Variants in CSMD1 observed in about 807,000 individuals in gnomAD.
The protein encoded by CSMD1 is CUB and sushi domain-containing protein 1.
Under a neutral mutation model 417.5 loss-of-function variants are expected in CSMD1, and 213 were observed. That is an observed-to-expected ratio of 0.51 (90% CI 0.46 to 0.57). CSMD1 has a LOEUF of 0.57. Ranked by LOEUF, CSMD1 falls within the 20% of genes least tolerant of loss-of-function variation. The pLI is 0.00. For synonymous variants in CSMD1, 2,862 were observed against 1,736.8 expected (o/e 1.65, Z -16.11); for missense variants, 6,923 against 4,529.7 (o/e 1.53, Z -15.17).
At chr8:3,909,771 C>G (rs535583159) in intron 5 of CSMD1, among the ~76,000 whole-genome samples, 2 of 152,146 alleles carry the variant, frequency 1.3e-5, no homozygotes, top group South Asian at 4.2e-4. Flanking sequence ...AATACGAACT[C>G]GACAAATTTG....
At chr8:4,983,438 G>A (rs1811004925) in intron 1 of CSMD1, among the ~76,000 whole-genome samples, 1 of 152,206 alleles carries the variant, frequency 6.6e-6, no homozygotes, top group Admixed American at 6.5e-5. Flanking sequence ...ATACTTGCAA[G>A]AGTGCCCTTC....
chr8:3,242,801 TTGGGGCGCAGAAATAAGGG>T (rs1404868808), intron 26 of CSMD1, among the ~76,000 whole-genome samples: 50 of 32,968 alleles, frequency 1.5e-3, no homozygotes, highest in Admixed American at 3.1e-3. Flanking sequence ...GGGAAAGGGG[TTGGGGCGCAGAAATAAGGG>T]GTTGGGGCGC....
intron 2 of CSMD1, among the ~76,000 whole-genome samples, chr8:4,477,325 G>A (rs1362082944): frequency 6.6e-6 from 1 of 152,144 alleles, no homozygotes; most frequent in Non-Finnish European, 1.5e-5. Context: ...AGGCGTTGGT[G>A]CTGGAAGGAG....
chr8:3,678,761 G>GA (rs1465233103), intron 7 of CSMD1, among the ~76,000 whole-genome samples: 2 of 152,046 alleles, frequency 1.3e-5, no homozygotes, highest in South Asian at 2.1e-4. Context: ...TGAAATGAAG[G>GA]AAAAAATGTT....
intron 7 of CSMD1, among the ~76,000 whole-genome samples, chr8:3,660,187 G>C (rs993394031): frequency 1.3e-5 from 2 of 152,166 alleles, no homozygotes; most frequent in East Asian, 1.9e-4. Flanking sequence ...GTGGTTTAGA[G>C]TGTGGGTTTG....
chr8:3,335,533 C>A (rs542144879), intron 23 of CSMD1, among the ~76,000 whole-genome samples: 1 of 151,970 alleles, frequency 6.6e-6, no homozygotes, highest in Non-Finnish European at 1.5e-5. Flanking sequence ...CAAAATTAGC[C>A]GGGTGTGGTG....
chr8:3,583,854 T>C lies in CSMD1; in HGVS notation c.1222+2282A>G, dbSNP rs537579950. 7.0e-4 allele frequency among the ~76,000 whole-genome samples: 106 copies of C among 151,780 alleles called. No individual in the cohort carries two copies. In the South Asian group the frequency reaches 0.019, roughly 28 times the overall value. On this transcript the variant is annotated intron_variant, in intron 9 of 69. Transcript: ENST00000635120. ...CCAGAAAGGATACTTTTCAAGAAAT[T>C]GAGGGTTTCTTATCCATCTTATCAA...
intron 2 of CSMD1, among the ~76,000 whole-genome samples, chr8:4,491,099 C>G (rs916433180): frequency 6.6e-6 from 1 of 152,072 alleles, no homozygotes; most frequent in Non-Finnish European, 1.5e-5. Flanking sequence ...TTAATGGGTA[C>G]TAGGCTTAAT....
chr8:4,272,303 TTGCCAA>T (rs1804654187), intron 3 of CSMD1, among the ~76,000 whole-genome samples: 2 of 152,324 alleles, frequency 1.3e-5, no homozygotes, highest in Admixed American at 6.5e-5. Flanking sequence ...ATTTTTTTCC[TTGCCAA>T]TGTCATAACA....
chr8:3,124,261 G>A (rs570230536), intron 41 of CSMD1, among the ~76,000 whole-genome samples: 1 of 151,994 alleles, frequency 6.6e-6, no homozygotes, highest in East Asian at 1.9e-4. Flanking sequence ...AGTTATAAAT[G>A]GAAACTAGAA....
intron 1 of CSMD1, among the ~76,000 whole-genome samples, chr8:4,693,052 T>C (rs1806878202): frequency 6.6e-6 from 1 of 152,186 alleles, no homozygotes; most frequent in Non-Finnish European, 1.5e-5. Context: ...CTGGGTGCTG[T>C]GATACTGACT....
At chr8:4,361,886 C>T (rs1383043435) in intron 3 of CSMD1, among the ~76,000 whole-genome samples, 10 of 152,016 alleles carry the variant, frequency 6.6e-5, no homozygotes, top group African/African-American at 2.2e-4. Context: ...ACCCGGGAGG[C>T]GGAGCTTGCA....
chr8:4,823,017 A>C (rs771557935), intron 1 of CSMD1, among the ~76,000 whole-genome samples: 1 of 152,142 alleles, frequency 6.6e-6, no homozygotes, highest in Non-Finnish European at 1.5e-5. Context: ...CACAATTTGC[A>C]GTTCTCATTC....
At chr8:4,746,718 A>G (rs945404775) in intron 1 of CSMD1, among the ~76,000 whole-genome samples, 1 of 152,106 alleles carries the variant, frequency 6.6e-6, no homozygotes, top group Non-Finnish European at 1.5e-5. Context: ...GGGCTAATCC[A>G]CAATCCACCT....
chr8:3,390,146 G>A (rs1811259317), intron 17 of CSMD1, among the ~76,000 whole-genome samples: 1 of 151,968 alleles, frequency 6.6e-6, no homozygotes, highest in Admixed American at 6.6e-5. Flanking sequence ...CCTGATGTCA[G>A]GAGTTTGAGA....
chr8:4,940,183 A>G (rs1807899581), intron 1 of CSMD1, among the ~76,000 whole-genome samples: 2 of 152,210 alleles, frequency 1.3e-5, no homozygotes, highest in African/African-American at 2.4e-5. Context: ...TGACTGACCT[A>G]TTTCCTCTTT....
chr8:4,899,299 T>C (rs1333862923), intron 1 of CSMD1, among the ~76,000 whole-genome samples: 4 of 150,834 alleles, frequency 2.7e-5, no homozygotes. Flanking sequence ...ACATTATTGA[T>C]AACATAAATT....
chr8:3,691,973 C>T (rs764646509), intron 7 of CSMD1, among the ~76,000 whole-genome samples: 9 of 152,172 alleles, frequency 5.9e-5, no homozygotes, highest in Non-Finnish European at 7.3e-5. Flanking sequence ...CCCTGAATGA[C>T]GGTCTTTGTC....
intron 5 of CSMD1, among the ~76,000 whole-genome samples, chr8:3,773,299 G>C (rs1798716683): frequency 6.6e-6 from 1 of 152,110 alleles, no homozygotes; most frequent in South Asian, 2.1e-4. Flanking sequence ...GGGGAGAGCT[G>C]GTAGGATGGG....
Sources: gnomAD v4.1 joint callset for allele counts (sites outside exome capture counted in the v4.1 genomes callset) on GRCh38, gnomAD v4.1.1 for gene constraint, MANE v1.5 for transcripts, NCBI Gene and HGNC (gene_info 2026-07-23, HGNC 2026-07-21) for gene names.